ACSBG1: variants seen among roughly 807,000 people sequenced by gnomAD.
ACSBG1 encodes long-chain-fatty-acid--CoA ligase ACSBG1.
In ACSBG1, 39 loss-of-function variants were observed where a neutral mutation model predicts 80.2. That is an observed-to-expected ratio of 0.49 (90% confidence interval 0.38 to 0.64). The LOEUF (loss-of-function observed/expected upper bound fraction) is 0.64. Ranked by LOEUF, ACSBG1 falls within the 30% of genes least tolerant of loss-of-function variation. The pLI, the probability that ACSBG1 is intolerant of heterozygous loss-of-function variation, is 0.00. For synonymous variants in ACSBG1, 392 were observed against 379.5 expected (o/e 1.03, Z -0.38); for missense variants, 828 against 966.4 (o/e 0.86, Z 1.90).
intron 11 of ACSBG1, chr15:78,174,742 C>T (rs1228662587): frequency 5.3e-6 from 3 of 565,542 alleles, no homozygotes; most frequent in Non-Finnish European, 9.3e-6. Context: ...AAGTTTCCCT[C>T]TCCTCGGCTT....
intron 1 of ACSBG1, among the ~76,000 whole-genome samples, chr15:78,208,589 G>C (rs572513861): frequency 6.6e-6 from 1 of 152,048 alleles, no homozygotes; most frequent in Admixed American, 6.5e-5. Context: ...GGTACTCATA[G>C]GGCTCTCAGG....
chr15:78,199,552 A>G (rs1052163432), intron 2 of ACSBG1, among the ~76,000 whole-genome samples: 4 of 152,034 alleles, frequency 2.6e-5, no homozygotes, highest in African/African-American at 9.7e-5. Context: ...CTCTACAAAA[A>G]TTTATCCAGG....
rs1379623728 is a variant in ACSBG1 at position 78,174,744 on chromosome 15, C to T, written c.1703-220G>A. On this transcript the variant is annotated intron_variant, in intron 11 of 13. Transcript: ENST00000258873. ...CAAATGCTCACCCAAGTTTCCCTCT[C>T]CTCGGCTTGTCATCCACGACTCAGC... 2.5e-5 allele frequency: 14 copies of T among 562,382 alleles called. No homozygotes were observed. The Admixed American group carries it at 4.6e-4, about 18-fold the overall frequency. The allele number at this position is 562,382 out of a possible 1,614,324, so 34.8% of individuals were successfully genotyped here.
chr15:78,233,565 C>T (rs2075466886), intron 1 of ACSBG1, among the ~76,000 whole-genome samples: 1 of 152,248 alleles, frequency 6.6e-6, no homozygotes, highest in African/African-American at 2.4e-5. Flanking sequence ...GCCCACTGCT[C>T]TTGGCTCCAC....
intron 2 of ACSBG1, among the ~76,000 whole-genome samples, chr15:78,205,752 C>A (rs529123064): frequency 6.6e-6 from 1 of 152,322 alleles, no homozygotes; most frequent in Non-Finnish European, 1.5e-5. Flanking sequence ...CCTAATCCCA[C>A]GAATCCCTCC....
intron 1 of ACSBG1, among the ~76,000 whole-genome samples, chr15:78,221,755 C>T (rs567998988): frequency 2.6e-5 from 4 of 152,238 alleles, no homozygotes; most frequent in African/African-American, 9.6e-5. Flanking sequence ...TGCAGTACAT[C>T]GTGTCCCTGG....
At chr15:78,179,487 G>A (rs2074917819) in intron 10 of ACSBG1, 63 bp downstream of exon 10, 2 of 1,475,828 alleles carry the variant, frequency 1.4e-6, no homozygotes, top group Non-Finnish European at 9.4e-7. Flanking sequence ...CACTCAGCAG[G>A]CGGGCACAAA....
At chr15:78,182,991 G>A (rs2074964587) in intron 5 of ACSBG1, 6 of 596,956 alleles carry the variant, frequency 1.0e-5, no homozygotes, top group Non-Finnish European at 1.8e-5. Context: ...ATAGCCAGGG[G>A]ACTGGGGATG....
At chr15:78,196,317 G>C (rs1394825289) in intron 2 of ACSBG1, among the ~76,000 whole-genome samples, 2 of 152,228 alleles carry the variant, frequency 1.3e-5, no homozygotes, top group African/African-American at 4.8e-5. Flanking sequence ...TGCCTCTTCA[G>C]AGCCTCTAAC....
At chr15:78,221,833 G>C (rs1470275987) in intron 1 of ACSBG1, among the ~76,000 whole-genome samples, 6 of 152,194 alleles carry the variant, frequency 3.9e-5, no homozygotes, top group Admixed American at 3.9e-4. Flanking sequence ...TTGTTAACAA[G>C]GCACATCCTG....
At chr15:78,226,806 T>TATATATATATATAATATATATAATAG (rs2075406915) in intron 1 of ACSBG1, among the ~76,000 whole-genome samples, 1 of 144,884 alleles carries the variant, frequency 6.9e-6, no homozygotes, top group African/African-American at 2.5e-5. Context: ...ATATATAATA[T>TATATATATATATAATATATATAATAG]ATATATATGA....
Position 78,179,733 on chromosome 15 carries a change from G to A in ACSBG1, c.1301C>T (p.Ala434Val). 1 of 1,613,936 alleles carries A rather than the reference G, an allele frequency of 6.2e-7. No homozygotes were observed. The highest frequency in any genetic ancestry group is 1.1e-5 in the South Asian group (1 of 91,060). Residue 434 changes from alanine to valine, a missense_variant, in exon 10 of 14, where the codon GCC becomes GTC. This residue lies in a region of ACSBG1 where 271 missense variants were observed against 375.9 expected (regional missense o/e 0.72). Transcript: ENST00000258873. ...AAATCCCAGTGCCTGGCGAACCTTG[G>A]CTAGCACCAGGTAATCTGCCAGTCT... Reference protein sequence around the residue: ...TTRLADYLVLAKVRQALGFAK... With the variant: ...TTRLADYLVLVKVRQALGFAK...
chr15:78,207,917 T>TCCCCCCCCCCCCCCCCCCCACC, intron 2 of ACSBG1, 85 bp downstream of exon 2: 1 of 876,066 alleles, frequency 1.1e-6, no homozygotes. Context: ...TGTGTGGTGG[T>TCCCCCCCCCCCCCCCCCCCACC]CCCCCACACC....
intron 5 of ACSBG1, among the ~76,000 whole-genome samples, chr15:78,184,971 CA>C (rs1424073357): frequency 6.6e-6 from 1 of 151,212 alleles, no homozygotes; most frequent in East Asian, 1.9e-4. Context: ...GCTTTCTGCC[CA>C]GGGGCAATTT....
chr15:78,174,600 C>A, intron 11 of ACSBG1, 76 bp from the exon 12 acceptor site: 1 of 1,521,828 alleles, frequency 6.6e-7, no homozygotes, highest in Non-Finnish European at 8.9e-7. Flanking sequence ...CAAGCCTCAA[C>A]CACAACCCGG....
intron 1 of ACSBG1, among the ~76,000 whole-genome samples, chr15:78,215,012 T>C (rs1036775464): frequency 3.9e-5 from 6 of 152,162 alleles, no homozygotes; most frequent in Non-Finnish European, 7.4e-5. Context: ...TAGGACCCCT[T>C]TTGAGAAGCT....
At chr15:78,171,563 C>G (rs762981722) in intron 13 of ACSBG1, 34 bp from the exon 14 acceptor site, 4 of 1,569,402 alleles carry the variant, frequency 2.5e-6, no homozygotes, top group Non-Finnish European at 2.6e-6. Flanking sequence ...GAGTGAGGCC[C>G]AGGCTCTGAG....
intron 1 of ACSBG1, among the ~76,000 whole-genome samples, chr15:78,211,610 A>G (rs778908098): frequency 3.3e-5 from 5 of 152,272 alleles, no homozygotes; most frequent in Non-Finnish European, 7.3e-5. Flanking sequence ...ACCCAGCAGC[A>G]TGGGAACAAG....
rs559401088 is a variant in ACSBG1 at position 78,214,730 on chromosome 15, T to C, written c.132-6628A>G. ...TGCTGGGATTATAGGAGTGAGTCAC[T>C]GCGCCCAGCCTCAGCCCTAATTTTA... On this transcript the variant is annotated intron_variant, in intron 1 of 13. Coordinates refer to ENST00000258873, the MANE Select transcript of ACSBG1 (RefSeq NM_015162.5). Among the ~76,000 whole-genome samples the C allele has an allele frequency of 4.3e-4, 65 of 152,144 alleles. 1 individual carries two copies. Among genetic ancestry groups the C allele is most frequent in the African/African-American group, 1.5e-3 (63 of 41,514 alleles).
Sources: gnomAD v4.1 joint callset for allele counts (sites outside exome capture counted in the v4.1 genomes callset) on GRCh38, gnomAD v4.1.1 for gene constraint, gnomAD v4.1.1 regional missense constraint, MANE v1.5 for transcripts, NCBI Gene and HGNC (gene_info 2026-07-23, HGNC 2026-07-21) for gene names.